The following LRP1B variants were observed in gnomAD, a reference collection of about 807,000 sequenced individuals.
The protein encoded by LRP1B is low-density lipoprotein receptor-related protein 1B.
A neutral mutation model predicts 556.6 loss-of-function variants in LRP1B; 217 were observed. The ratio of observed to expected loss-of-function variants is 0.39; its 90% confidence interval spans 0.35 to 0.44. LRP1B has a LOEUF of 0.44. Among genes scored for constraint, LRP1B ranks in the 20% least tolerant of loss-of-function variants. The pLI is 1.00. For synonymous variants in LRP1B, 2,047 were observed against 1,865.8 expected, an observed-to-expected ratio of 1.10 and a Z score of -2.50; for missense variants, 5,053 against 5,620.8, an observed-to-expected ratio of 0.90 and a Z score of 3.23.
chr2:140,355,477 A>G (rs935263382), intron 75 of LRP1B, among the ~76,000 whole-genome samples: 2 of 152,008 alleles, frequency 1.3e-5, no homozygotes, highest in Non-Finnish European at 1.5e-5. Flanking sequence ...ACGTGACTAC[A>G]CTTTTTCCCC....
At chr2:141,868,900 A>G (rs775997037) in intron 1 of LRP1B, among the ~76,000 whole-genome samples, 9 of 152,170 alleles carry the variant, frequency 5.9e-5, no homozygotes, top group Admixed American at 1.3e-4. Flanking sequence ...TGACTGACAT[A>G]AAACTTTTAC....
At chr2:141,571,202 C>T (rs747852649) in intron 2 of LRP1B, among the ~76,000 whole-genome samples, 1 of 151,068 alleles carries the variant, frequency 6.6e-6, no homozygotes, top group Non-Finnish European at 1.5e-5. Context: ...GAAGAAGGAG[C>T]AGTCACCCAC....
At chr2:141,919,693 C>A (rs1275348294) in intron 1 of LRP1B, among the ~76,000 whole-genome samples, 1 of 151,928 alleles carries the variant, frequency 6.6e-6, no homozygotes, top group Non-Finnish European at 1.5e-5. Flanking sequence ...TATATTATGG[C>A]TACGCATTTA....
chr2:140,266,460 T>C (rs1476819239), intron 86 of LRP1B, among the ~76,000 whole-genome samples: 1 of 152,038 alleles, frequency 6.6e-6, no homozygotes, highest in Non-Finnish European at 1.5e-5. Flanking sequence ...CAAATAGTGG[T>C]ATTTCTGAGG....
chr2:141,827,983 C>A (rs961477037), intron 1 of LRP1B, among the ~76,000 whole-genome samples: 1 of 151,298 alleles, frequency 6.6e-6, no homozygotes, highest in Non-Finnish European at 1.5e-5. Context: ...AGAAGACTGC[C>A]ACTTCAACAG....
chr2:141,801,693 G>A (rs535663578), intron 2 of LRP1B, among the ~76,000 whole-genome samples: 1 of 152,140 alleles, frequency 6.6e-6, no homozygotes, highest in African/African-American at 2.4e-5. Context: ...ATTACATTAG[G>A]TGTTCTTAAA....
At chr2:140,291,383 C>T (rs576948245) in intron 84 of LRP1B, among the ~76,000 whole-genome samples, 1 of 143,802 alleles carries the variant, frequency 7.0e-6, no homozygotes, top group East Asian at 2.1e-4. Flanking sequence ...CATATGTATA[C>T]ATGTGTCGTG....
intron 3 of LRP1B, among the ~76,000 whole-genome samples, chr2:141,301,822 C>T (rs1055357065): frequency 1.3e-5 from 2 of 152,154 alleles, no homozygotes; most frequent in Non-Finnish European, 2.9e-5. Flanking sequence ...ATCCACCCTC[C>T]TCAGTGGCTT....
chr2:140,291,427 A>C (rs937750534), intron 84 of LRP1B, among the ~76,000 whole-genome samples: 1 of 150,764 alleles, frequency 6.6e-6, no homozygotes, highest in Admixed American at 6.7e-5. Flanking sequence ...CGTCATTTAC[A>C]TTAGGTATAT....
At chr2:140,795,995 T>A (rs1378831737) in intron 32 of LRP1B, among the ~76,000 whole-genome samples, 2 of 152,060 alleles carry the variant, frequency 1.3e-5, no homozygotes, top group Admixed American at 1.3e-4. Flanking sequence ...CTGTACTACT[T>A]CTTTTTTAAA....
intron 5 of LRP1B, among the ~76,000 whole-genome samples, chr2:141,242,898 T>C (rs1018636644): frequency 6.6e-6 from 1 of 152,104 alleles, no homozygotes; most frequent in Non-Finnish European, 1.5e-5. Context: ...CCATTGACTA[T>C]TATTTTTACT....
At chr2:140,633,646 TGCCAA>T (rs1683973235) in intron 41 of LRP1B, among the ~76,000 whole-genome samples, 1 of 152,108 alleles carries the variant, frequency 6.6e-6, no homozygotes, top group Non-Finnish European at 1.5e-5. Context: ...TCCTTGCTGT[TGCCAA>T]GGACATTGAA....
rs537284372 is a variant in LRP1B at position 140,364,739 on chromosome 2, G to A, written c.11053C>T (p.Leu3685Phe). 3 of 1,609,868 alleles carry A rather than the reference G, an allele frequency of 1.9e-6. No homozygotes were observed. The highest frequency in any genetic ancestry group is 1.3e-5 in the African/African-American group (1 of 74,672). Residue 3685 changes from leucine to phenylalanine, a missense_variant, in exon 72 of 91, where the codon CTC becomes TTC. This residue lies in a region of LRP1B where 599 missense variants were observed against 648.4 expected (regional missense o/e 0.92). Coordinates refer to ENST00000389484, the MANE Select transcript of LRP1B (RefSeq NM_018557.3). Reference protein sequence around the residue: ...RADEFLCNNSLCKLHFWVCDG... With the variant: ...RADEFLCNNSFCKLHFWVCDG... Reference sequence around the variant, plus strand: ...CACACCCAGAAATGTAGTTTGCAGAGAGAATTATTGCAAAGGAACTCATCA... The same window carrying A: ...CACACCCAGAAATGTAGTTTGCAGAAAGAATTATTGCAAAGGAACTCATCA...
chr2:141,179,074 A>T (rs563875736), intron 7 of LRP1B, among the ~76,000 whole-genome samples: 2 of 152,194 alleles, frequency 1.3e-5, no homozygotes, highest in Non-Finnish European at 2.9e-5. Context: ...GTTTTATGCA[A>T]TTAATAAATT....
intron 85 of LRP1B, among the ~76,000 whole-genome samples, chr2:140,274,060 A>G (rs918215070): frequency 2.6e-5 from 4 of 152,046 alleles, no homozygotes; most frequent in Middle Eastern, 3.2e-3. Flanking sequence ...CTTATTGTCA[A>G]TAACAATGAT....
At chr2:141,108,326 A>G (rs1230595533) in intron 7 of LRP1B, among the ~76,000 whole-genome samples, 1 of 135,328 alleles carries the variant, frequency 7.4e-6, no homozygotes, top group African/African-American at 2.8e-5. Flanking sequence ...TATGTTTATA[A>G]TCTGTTTCTT....
At chr2:141,049,762 A>G (rs1402697688) in intron 10 of LRP1B, among the ~76,000 whole-genome samples, 1 of 152,116 alleles carries the variant, frequency 6.6e-6, no homozygotes, top group East Asian at 1.9e-4. Flanking sequence ...TATTCTTTTT[A>G]GAAATAAAAT....
At chr2:141,611,763 G>T (rs1688115336) in intron 2 of LRP1B, among the ~76,000 whole-genome samples, 1 of 152,182 alleles carries the variant, frequency 6.6e-6, no homozygotes, top group African/African-American at 2.4e-5. Flanking sequence ...ATGCAAGAGA[G>T]CGTTCTGGGA....
chr2:142,074,192 C>T (rs1162946597), intron 1 of LRP1B, among the ~76,000 whole-genome samples: 3 of 151,958 alleles, frequency 2.0e-5, no homozygotes, highest in Non-Finnish European at 2.9e-5. Flanking sequence ...CCTACCAATT[C>T]GCTGAAGTCT....
Sources: allele counts gnomAD v4.1 joint callset (sites outside exome capture counted in the v4.1 genomes callset), GRCh38; gene constraint gnomAD v4.1.1; regional missense constraint gnomAD v4.1.1; transcripts MANE v1.5; gene names NCBI Gene and HGNC (gene_info 2026-07-23, HGNC 2026-07-21).